Variants in TRIM5 observed in about 807,000 individuals in gnomAD.
The protein encoded by TRIM5 is tripartite motif containing 5.
Under a neutral mutation model 35.6 loss-of-function variants are expected in TRIM5, and 31 were observed. That is an observed-to-expected ratio of 0.87 (90% CI 0.65 to 1.18). The LOEUF (loss-of-function observed/expected upper bound fraction) is 1.18. Ranked by LOEUF, TRIM5 falls within the 50% of genes most tolerant of loss-of-function variation. The pLI, the probability that TRIM5 is intolerant of heterozygous loss-of-function variation, is 0.00. For synonymous variants in TRIM5, 243 were observed against 215.6 expected, an observed-to-expected ratio of 1.13 and a Z score of -1.11; for missense variants, 609 against 591.6, an observed-to-expected ratio of 1.03 and a Z score of -0.31.
intron 4 of TRIM5, among the ~76,000 whole-genome samples, chr11:5,677,110 A>C (rs1441254831): frequency 6.6e-6 from 1 of 151,942 alleles, no homozygotes; most frequent in African/African-American, 2.4e-5. Flanking sequence ...AATGGGATCT[A>C]ATTAAACTAA....
At chr11:5,634,475 T>C in the TRIM5 span, among the ~76,000 whole-genome samples, 1 of 146,270 alleles carries the variant, frequency 6.8e-6, no homozygotes, top group Non-Finnish European at 1.5e-5. Flanking sequence ...CAAATATATA[T>C]ATACAGATAA....
chr11:5,645,880 A>AATAT, the TRIM5 span: 48 of 137,370 alleles, frequency 3.5e-4, no homozygotes, highest in African/African-American at 8.5e-4. Context: ...AAAAAAAAAA[A>AATAT]ATATATATAT....
chr11:5,650,054 T>C, the TRIM5 span, among the ~76,000 whole-genome samples: 1 of 152,206 alleles, frequency 6.6e-6, no homozygotes, highest in African/African-American at 2.4e-5. Context: ...TTGATTGGAA[T>C]CAATGCTGTG....
At chr11:5,629,378 T>A in the TRIM5 span, among the ~76,000 whole-genome samples, 2 of 152,220 alleles carry the variant, frequency 1.3e-5, no homozygotes, top group Non-Finnish European at 2.9e-5. Context: ...GATTTTCAAA[T>A]AAGTTCACAT....
chr11:5,628,576 G>T, the TRIM5 span, among the ~76,000 whole-genome samples: 5 of 152,118 alleles, frequency 3.3e-5, no homozygotes, highest in African/African-American at 4.8e-5. Context: ...CGAGGCCTAG[G>T]TTTATCTCCA....
the TRIM5 span, chr11:5,610,484 C>G: frequency 3.1e-6 from 5 of 1,613,690 alleles, no homozygotes; most frequent in Non-Finnish European, 4.2e-6. Context: ...AGATACCAGA[C>G]ATGAGACAGT....
chr11:5,677,875 G>T, intron 4 of TRIM5: 1 of 211,394 alleles, frequency 4.7e-6, no homozygotes, highest in Non-Finnish European at 9.3e-6. Flanking sequence ...ACGTGTATTT[G>T]TTTGCCAGTG....
At chr11:5,656,880 G>A in the TRIM5 span, among the ~76,000 whole-genome samples, 12 of 152,212 alleles carry the variant, frequency 7.9e-5, no homozygotes, top group Non-Finnish European at 1.5e-4. Context: ...AAATTGGTTC[G>A]ACCATTGTGG....
At chr11:5,603,220 CT>C in the TRIM5 span, 3 of 1,601,036 alleles carry the variant, frequency 1.9e-6, no homozygotes, top group Non-Finnish European at 8.5e-7. Flanking sequence ...TACCCTGATC[CT>C]TTTTTTGTTT....
the TRIM5 span, among the ~76,000 whole-genome samples, chr11:5,657,564 TATTATTTATATATTATATATAATGC>T: frequency 9.7e-6 from 1 of 102,772 alleles, no homozygotes; most frequent in Non-Finnish European, 1.8e-5. Flanking sequence ...CATTTATATA[TATTATTTATATATTATATATAATGC>T]ATTATATATA....
chr11:5,655,797 G>A, the TRIM5 span: 1 of 593,312 alleles, frequency 1.7e-6, no homozygotes, highest in East Asian at 1.4e-4. Context: ...GTGTAAAAAT[G>A]AGCAAACTTC....
At chr11:5,597,169 C>T in the TRIM5 span, among the ~76,000 whole-genome samples, 1 of 152,310 alleles carries the variant, frequency 6.6e-6, no homozygotes, top group African/African-American at 2.4e-5. Flanking sequence ...CAGACACTGG[C>T]TGTGTGCCCG....
the TRIM5 span, chr11:5,642,649 G>A: frequency 2.2e-6 from 3 of 1,369,198 alleles, no homozygotes; most frequent in East Asian, 7.5e-5. Context: ...TGAAGAGGAT[G>A]CATTTATATG....
chr11:5,670,466 G>A, intron 4 of TRIM5, among the ~76,000 whole-genome samples: 1 of 152,050 alleles, frequency 6.6e-6, no homozygotes, highest in Admixed American at 6.5e-5. Context: ...ACTGCGCCCA[G>A]CCCAGATGCC....
At chr11:5,648,645 C>G in the TRIM5 span, among the ~76,000 whole-genome samples, 1 of 152,122 alleles carries the variant, frequency 6.6e-6, no homozygotes, top group African/African-American at 2.4e-5. Context: ...AAGCATAAGA[C>G]CCAGAGCAAT....
chr11:5,596,799 G>C, the TRIM5 span: 1 of 1,597,652 alleles, frequency 6.3e-7, no homozygotes, highest in Admixed American at 1.7e-5. Flanking sequence ...AGCGCGCTCT[G>C]TTCCTTAAGA....
the TRIM5 span, among the ~76,000 whole-genome samples, chr11:5,654,073 C>T: frequency 1.3e-5 from 2 of 151,778 alleles, no homozygotes; most frequent in African/African-American, 2.4e-5. Flanking sequence ...TTCCTGATTT[C>T]TTTTTATTGC....
At chr11:5,616,736 CCTTT>C in the TRIM5 span, among the ~76,000 whole-genome samples, 1 of 68,636 alleles carries the variant, frequency 1.5e-5, no homozygotes, top group African/African-American at 5.2e-5. Flanking sequence ...CCGAGAATAA[CCTTT>C]TTTTTTTTTT....
the TRIM5 span, among the ~76,000 whole-genome samples, chr11:5,638,040 T>A: frequency 1.3e-5 from 2 of 152,184 alleles, no homozygotes; most frequent in Non-Finnish European, 2.9e-5. Context: ...ATCAGCACTA[T>A]CAAGAATGAA....
Sources: allele counts gnomAD v4.1 joint callset (sites outside exome capture counted in the v4.1 genomes callset), GRCh38; gene constraint gnomAD v4.1.1; transcripts MANE v1.5; gene names NCBI Gene and HGNC (gene_info 2026-07-23, HGNC 2026-07-21).